The following TJAP1 variants were observed in gnomAD, a reference collection of about 807,000 sequenced individuals.
The protein encoded by TJAP1 is tight junction-associated protein 1.
TJAP1 carries 27 observed loss-of-function variants against 42.0 expected under a neutral mutation model. The observed-to-expected ratio is 0.64, with a 90% CI of 0.47 to 0.89. The LOEUF is 0.89. Ranked by LOEUF, TJAP1 falls within the 40% of genes least tolerant of loss-of-function variation. The pLI is 0.00. For synonymous variants in TJAP1, 257 were observed against 288.4 expected (o/e 0.89, Z 1.10); for missense variants, 712 against 726.9 (o/e 0.98, Z 0.24).
exon 11 of TJAP1, chr6:43,506,295 C>T (rs560770694): frequency 5.9e-5 from 9 of 153,286 alleles, no homozygotes; most frequent in African/African-American, 1.9e-4. Context: ...CTTCCCCCCC[C>T]AGTCCTCCGC....
Position 43,501,923 on chromosome 6 carries a change from ACACACTCTCTCTCTCTCT to A in TJAP1, c.290+238_290+255del, listed in dbSNP as rs1272911991. Among the ~76,000 whole-genome samples the A allele has an allele frequency of 9.3e-5, 10 of 108,106 alleles. No homozygotes were observed. In the East Asian group the frequency reaches 1.9e-3, roughly 21 times the overall value. The allele number at this position is 108,106 out of a possible 152,430, so 70.9% of individuals were successfully genotyped here. On this transcript the variant is annotated intron_variant, in intron 6 of 10. Coordinates refer to ENST00000372449, the Ensembl canonical transcript of TJAP1. ...CACACACACACACACACACACACACACACACTCTCTCTCTCTCTCTCTCTCTCTCTCTCCTTTCATAGG... is the reference window on the plus strand; with the variant it reads ...CACACACACACACACACACACACACACTCTCTCTCTCTCTCCTTTCATAGG...
At chr6:43,489,901 C>G (rs1787428636) in intron 2 of TJAP1, 1 of 152,410 alleles carries the variant, frequency 6.6e-6, no homozygotes. Context: ...CTCTGCAGCT[C>G]CGGAGTTGGG....
chr6:43,484,933 G>A (rs771942381), intron 2 of TJAP1, among the ~76,000 whole-genome samples: 1 of 152,154 alleles, frequency 6.6e-6, no homozygotes, highest in Non-Finnish European at 1.5e-5. Flanking sequence ...TTACCAAGTT[G>A]GCCAGGCTGG....
chr6:43,505,918 A>G lies in TJAP1; in HGVS notation c.*63A>G. Reference sequence around the variant, plus strand: ...CTGCAAGGAGTCCCCACACCTTGGCAGCTCAGGGTCCCCAGTCCAAGCCCT... The same window carrying G: ...CTGCAAGGAGTCCCCACACCTTGGCGGCTCAGGGTCCCCAGTCCAAGCCCT... On this transcript the variant is annotated 3_prime_UTR_variant, in exon 11 of 11. Coordinates refer to ENST00000372449, the Ensembl canonical transcript of TJAP1. This position sits in a 1 kb window ranked among gnomAD's most constrained non-coding sequence, Gnocchi z 5.5. 1 of 1,415,892 alleles carries G rather than the reference A, an allele frequency of 7.1e-7. No individual in the cohort carries two copies. The highest frequency in any genetic ancestry group is 9.2e-7 in the Non-Finnish European group (1 of 1,087,774). The allele number at this position is 1,415,892 out of a possible 1,614,324, so 87.7% of individuals were successfully genotyped here. A position where few individuals can be genotyped will look rare whatever the true frequency, so the allele number is the denominator to read the frequency against.
exon 4 of TJAP1, chr6:43,499,008 A>G: frequency 6.2e-7 from 1 of 1,613,930 alleles, no homozygotes; most frequent in Non-Finnish European, 8.5e-7. Flanking sequence ...CAGAATGACT[A>G]GTGCCGCCCC....
Position 43,505,606 on chromosome 6 carries a change from T to TGA in TJAP1, c.1426_1427dup (p.Asp476GlufsTer12), listed in dbSNP as rs1208620615. 1 of 1,613,542 alleles carries TGA rather than the reference T, an allele frequency of 6.2e-7. No homozygotes were observed. Among genetic ancestry groups the TGA allele is most frequent in the Non-Finnish European group, 8.5e-7 (1 of 1,180,030 alleles). ...GTGAGCTTTTGCTACCCACAGAACC[T>TGA]GACTCTGGCTTTCCCAGGGAGGAAG... is the stretch of plus-strand genomic sequence containing the variant. On this transcript the variant is annotated frameshift_variant, in exon 11 of 11. Coordinates refer to ENST00000372449, the Ensembl canonical transcript of TJAP1. LOFTEE classifies it high-confidence loss of function. The surrounding 1 kb of genome is among the most constrained non-coding windows in gnomAD (Gnocchi z 5.5).
intron 5 of TJAP1, 144 bp downstream of exon 5, chr6:43,500,916 GTGTTGA>G: frequency 1.1e-6 from 1 of 888,008 alleles, no homozygotes; most frequent in Non-Finnish European, 1.8e-6. Flanking sequence ...TCTGGGAGGA[GTGTTGA>G]TGTTGTGGAT....
chr6:43,499,901 GC>G (rs1290200742), intron 4 of TJAP1, among the ~76,000 whole-genome samples: 1 of 152,220 alleles, frequency 6.6e-6, no homozygotes, highest in Non-Finnish European at 1.5e-5. Context: ...TATGCTAGGT[GC>G]TACCCAGCGA....
chr6:43,481,749 G>A (rs1785372113), intron 2 of TJAP1, among the ~76,000 whole-genome samples: 1 of 152,178 alleles, frequency 6.6e-6, no homozygotes, highest in Non-Finnish European at 1.5e-5. Flanking sequence ...GTAGCCTTGA[G>A]GTAGAGGTGT....
chr6:43,494,728 A>C (rs938840546), intron 2 of TJAP1, among the ~76,000 whole-genome samples: 4 of 149,342 alleles, frequency 2.7e-5, no homozygotes, highest in Non-Finnish European at 4.4e-5. Flanking sequence ...ACTCACTGCA[A>C]TCTCCACCTC....
intron 10 of TJAP1, 84 bp downstream of exon 10, chr6:43,503,790 C>A: frequency 8.4e-7 from 1 of 1,191,506 alleles, no homozygotes; most frequent in Non-Finnish European, 1.2e-6. Context: ...CTGCACCTCT[C>A]TCTGTCCTCC....
intron 2 of TJAP1, among the ~76,000 whole-genome samples, chr6:43,481,491 C>CG (rs1343269197): frequency 2.1e-4 from 30 of 142,612 alleles, no homozygotes; most frequent in Non-Finnish European, 4.1e-4. Flanking sequence ...CACCCCCCCC[C>CG]CAAAAAAAAA....
At position 43,505,708 on chromosome 6, in the gene TJAP1, G is replaced by C; in HGVS notation, c.1527G>C (p.Gly509=). 3 of 1,587,464 alleles carry C rather than the reference G, an allele frequency of 1.9e-6. No individual in the cohort carries two copies. The highest frequency in any genetic ancestry group is 2.6e-6 in the Non-Finnish European group (3 of 1,165,076). Reference sequence around the variant, plus strand: ...CCATTAACAGGGGCACAGAGGAGGGGCCAGGCACTTCCCACACCGAGGGCA... The same window carrying C: ...CCATTAACAGGGGCACAGAGGAGGGCCCAGGCACTTCCCACACCGAGGGCA... The change falls in exon 11 of 11, where the codon GGG becomes GGC. Residue 509 remains glycine, a synonymous_variant. Coordinates refer to ENST00000372449, the Ensembl canonical transcript of TJAP1. The surrounding 1 kb of genome is among the most constrained non-coding windows in gnomAD (Gnocchi z 5.5).
At chr6:43,484,763 T>G (rs1053717443) in intron 2 of TJAP1, among the ~76,000 whole-genome samples, 1 of 152,220 alleles carries the variant, frequency 6.6e-6, no homozygotes, top group Non-Finnish European at 1.5e-5. Flanking sequence ...TCTTGCTCTG[T>G]CATCCAGGCT....
intron 2 of TJAP1, among the ~76,000 whole-genome samples, chr6:43,482,321 T>C (rs1011199034): frequency 2.0e-5 from 3 of 152,198 alleles, no homozygotes; most frequent in Non-Finnish European, 4.4e-5. Context: ...GTGCCCCTTA[T>C]TCAGATATTT....
chr6:43,479,234 A>C (rs1784815551), intron 2 of TJAP1, among the ~76,000 whole-genome samples: 1 of 152,140 alleles, frequency 6.6e-6, no homozygotes, highest in Non-Finnish European at 1.5e-5. Context: ...GTGGACTAGG[A>C]TGGTTTGATC....
At chr6:43,481,485 C>T (rs1324146196) in intron 2 of TJAP1, among the ~76,000 whole-genome samples, 1 of 141,844 alleles carries the variant, frequency 7.1e-6, no homozygotes, top group Admixed American at 7.0e-5. Flanking sequence ...AGACATCACC[C>T]CCCCCCCAAA....
At chr6:43,498,566 A>G (rs1350594357) in intron 3 of TJAP1, among the ~76,000 whole-genome samples, 1 of 152,242 alleles carries the variant, frequency 6.6e-6, no homozygotes, top group East Asian at 1.9e-4. Flanking sequence ...GAAAAGAAAA[A>G]AAGAAATTGA....
At chr6:43,490,712 A>C (rs9472067) in intron 2 of TJAP1, among the ~76,000 whole-genome samples, 3,969 of 152,044 alleles carry the variant, frequency 0.026, 161 homozygotes, top group African/African-American at 0.088. Flanking sequence ...CTGGGAGGTG[A>C]AGTTTGTCCC....
Sources: allele counts gnomAD v4.1 joint callset (sites outside exome capture counted in the v4.1 genomes callset), GRCh38; gene constraint gnomAD v4.1.1; non-coding constraint Gnocchi (gnomAD v3.1); transcripts MANE v1.5; gene names NCBI Gene and HGNC (gene_info 2026-07-23, HGNC 2026-07-21).